CERS6: variants seen among roughly 807,000 people sequenced by gnomAD.
CERS6 encodes LAG1 homolog, ceramide synthase 6.
CERS6 carries 26 observed loss-of-function variants against 56.8 expected under a neutral mutation model. That is an observed-to-expected ratio of 0.46 (90% CI 0.34 to 0.63). The LOEUF is 0.63. Among genes scored for constraint, CERS6 ranks in the 30% least tolerant of loss-of-function variants. The probability of loss-of-function intolerance (pLI) is 0.01; values close to 1 mark genes in which losing one functional copy is unlikely to be tolerated. For synonymous variants in CERS6, 164 were observed against 173.3 expected, an observed-to-expected ratio of 0.95 and a Z score of 0.42; for missense variants, 415 against 467.5, an observed-to-expected ratio of 0.89 and a Z score of 1.04.
At chr2:168,680,927 A>G (rs1686199942) in intron 4 of CERS6, among the ~76,000 whole-genome samples, 1 of 152,156 alleles carries the variant, frequency 6.6e-6, no homozygotes, top group Non-Finnish European at 1.5e-5. Context: ...GTCCTTAACC[A>G]CTTGTGTTTA....
At chr2:168,473,122 A>G (rs1006993727) in intron 1 of CERS6, among the ~76,000 whole-genome samples, 27 of 152,012 alleles carry the variant, frequency 1.8e-4, no homozygotes, top group African/African-American at 6.5e-4. Context: ...TCAGTTATAC[A>G]TATGTTAGAT....
intron 4 of CERS6, among the ~76,000 whole-genome samples, chr2:168,645,966 G>A (rs1344954680): frequency 1.3e-5 from 2 of 152,112 alleles, no homozygotes; most frequent in East Asian, 3.9e-4. Flanking sequence ...TTGATTCCAT[G>A]TCTTTGCTAT....
At chr2:168,497,585 A>T (rs1694495898) in intron 1 of CERS6, among the ~76,000 whole-genome samples, 1 of 152,198 alleles carries the variant, frequency 6.6e-6, no homozygotes, top group South Asian at 2.1e-4. Flanking sequence ...CAGTGGCCCC[A>T]TGGCAGTACC....
chr2:168,537,417 CCTCTTTAATTTACTTTTCTTATTT>C, intron 1 of CERS6, among the ~76,000 whole-genome samples: 1 of 152,234 alleles, frequency 6.6e-6, no homozygotes, highest in Middle Eastern at 3.4e-3. Context: ...TTTAACAATG[CCTCTTTAATTTACTTTTCTTATTT>C]TAGGGAGAGT....
intron 2 of CERS6, among the ~76,000 whole-genome samples, chr2:168,557,848 A>G (rs1695711801): frequency 6.6e-6 from 1 of 152,234 alleles, no homozygotes; most frequent in Non-Finnish European, 1.5e-5. Context: ...AAATTCTAAA[A>G]TGCAAATGAC....
At chr2:168,760,779 G>A (rs947142763) in intron 8 of CERS6, among the ~76,000 whole-genome samples, 65 of 145,334 alleles carry the variant, frequency 4.5e-4, no homozygotes, top group African/African-American at 1.4e-3. Context: ...TTTTTGAGAC[G>A]GAGTCTTGCT....
At chr2:168,587,533 A>G (rs930080008) in intron 3 of CERS6, among the ~76,000 whole-genome samples, 1 of 152,204 alleles carries the variant, frequency 6.6e-6, no homozygotes, top group Non-Finnish European at 1.5e-5. Context: ...CTCTGCCTCA[A>G]TGTCAAGTGA....
chr2:168,569,724 G>A lies in CERS6; in HGVS notation c.407+8402G>A, dbSNP rs535682026. The stretch of plus-strand genomic sequence containing the variant: ...AGCAGGACCAGTGGGTCAGTATGGT[G>A]GTGAAGGCAGTGGGCTGTGGAGCCT... On this transcript the variant is annotated intron_variant, in intron 3 of 9. Coordinates refer to ENST00000305747, the MANE Select transcript of CERS6 (RefSeq NM_203463.3). 5.9e-5 allele frequency among the ~76,000 whole-genome samples: 9 copies of A among 152,280 alleles called. No homozygotes were observed. The South Asian group carries it at 1.2e-3, about 21-fold the overall frequency.
rs58256507 is a variant in CERS6 at position 168,743,995 on chromosome 2, C to CTTT, written c.846-21579_846-21577dup. On this transcript the variant is annotated intron_variant, in intron 8 of 9. Coordinates refer to ENST00000305747, the MANE Select transcript of CERS6 (RefSeq NM_203463.3). Reference sequence around the variant, plus strand: ...TACTGTTTTCTTTTTTCTTTTTTTTCTTTTTTTTTTTTTTTTTTTTGAGAT... The same window carrying CTTT: ...TACTGTTTTCTTTTTTCTTTTTTTTCTTTTTTTTTTTTTTTTTTTTTTTGAGAT... Among the ~76,000 whole-genome samples the CTTT allele has an allele frequency of 3.0e-3, 191 of 63,406 alleles. 10 individuals are homozygous for CTTT. Among genetic ancestry groups the CTTT allele is most frequent in the African/African-American group, 0.013 (185 of 14,554 alleles). The allele number at this position is 63,406 out of a possible 152,430, so 41.6% of individuals were successfully genotyped here.
intron 6 of CERS6, among the ~76,000 whole-genome samples, chr2:168,709,955 G>A (rs62174429): frequency 0.033 from 5,007 of 152,162 alleles, 119 homozygotes; most frequent in East Asian, 0.14. Context: ...TATGTATAAT[G>A]CGTTCTGAAG....
chr2:168,752,599 G>A lies in CERS6; in HGVS notation c.846-12993G>A, dbSNP rs965634725. On this transcript the variant is annotated intron_variant, in intron 8 of 9. Transcript: ENST00000305747. ...CCTGTGGAAGCTGGTGATGGGGTGC[G>A]AACAAGGAGCGTGGCACGTAGCTGG... 5.9e-5 allele frequency among the ~76,000 whole-genome samples: 9 copies of A among 152,240 alleles called. 1 individual carries two copies. The South Asian group carries it at 6.2e-4, about 11-fold the overall frequency.
intron 3 of CERS6, among the ~76,000 whole-genome samples, chr2:168,625,682 G>A (rs990095997): frequency 6.6e-5 from 10 of 152,170 alleles, no homozygotes; most frequent in African/African-American, 2.4e-4. Flanking sequence ...TCCAGAAAAG[G>A]TGGCTTTATG....
intron 8 of CERS6, among the ~76,000 whole-genome samples, chr2:168,728,533 G>T (rs773147383): frequency 1.3e-5 from 2 of 150,980 alleles, no homozygotes; most frequent in African/African-American, 4.9e-5. Flanking sequence ...GGGATTAAAA[G>T]CACCCACCAC....
chr2:168,540,720 G>A (rs886384956), intron 1 of CERS6, among the ~76,000 whole-genome samples: 1 of 152,216 alleles, frequency 6.6e-6, no homozygotes, highest in African/African-American at 2.4e-5. Context: ...AATTTCTGAT[G>A]AGAAGAGCAT....
Position 168,727,064 on chromosome 2 carries a change from C to T in CERS6, c.845+9086C>T, listed in dbSNP as rs150493668. Among the ~76,000 whole-genome samples the T allele has an allele frequency of 4.0e-3, 615 of 152,302 alleles. 4 individuals are homozygous for T. Among genetic ancestry groups the T allele is most frequent in the African/African-American group, 0.014 (566 of 41,562 alleles). On this transcript the variant is annotated intron_variant, in intron 8 of 9. Transcript: ENST00000305747. ...GGCCAGTTAATGATTTTCCACATCT[C>T]CAGTCATGTCCCATGAAGTGCCAAG...
At chr2:168,493,079 T>C (rs1694402475) in intron 1 of CERS6, among the ~76,000 whole-genome samples, 1 of 152,310 alleles carries the variant, frequency 6.6e-6, no homozygotes, top group African/African-American at 2.4e-5. Context: ...TATTAGAATA[T>C]AAATTTTTCT....
chr2:168,465,441 C>T (rs967231665), intron 1 of CERS6, among the ~76,000 whole-genome samples: 2 of 152,154 alleles, frequency 1.3e-5, no homozygotes, highest in African/African-American at 2.4e-5. Flanking sequence ...GTGACCTAAT[C>T]ACCTCCCACA....
At chr2:168,526,272 C>T (rs1464917755) in intron 1 of CERS6, among the ~76,000 whole-genome samples, 1 of 152,184 alleles carries the variant, frequency 6.6e-6, no homozygotes, top group South Asian at 2.1e-4. Context: ...AAAGTTTGCT[C>T]TCTAAGGCCT....
chr2:168,495,644 A>G (rs1005573175), intron 1 of CERS6, among the ~76,000 whole-genome samples: 2 of 152,238 alleles, frequency 1.3e-5, no homozygotes, highest in Admixed American at 1.3e-4. Flanking sequence ...CATTTGGACA[A>G]TAGTGTAAAG....
Sources: allele counts gnomAD v4.1 joint callset (sites outside exome capture counted in the v4.1 genomes callset), GRCh38; gene constraint gnomAD v4.1.1; transcripts MANE v1.5; gene names NCBI Gene and HGNC (gene_info 2026-07-23, HGNC 2026-07-21).